GRIA4: variants seen among roughly 807,000 people sequenced by gnomAD.
GRIA4 encodes the protein glutamate receptor 4.
GRIA4 carries 34 observed loss-of-function variants against 104.0 expected under a neutral mutation model. The ratio of observed to expected loss-of-function variants is 0.33; its 90% confidence interval spans 0.25 to 0.44. The LOEUF (loss-of-function observed/expected upper bound fraction) is 0.44, where lower values mean the gene tolerates loss of function less well. GRIA4 is among the 20% of genes least tolerant of loss of function. GRIA4 has a pLI of 1.00. For synonymous variants in GRIA4, 386 were observed against 381.9 expected (o/e 1.01, Z -0.13); for missense variants, 750 against 1,096.5 (o/e 0.68, Z 4.46).
intron 14 of GRIA4, among the ~76,000 whole-genome samples, chr11:105,934,663 C>G (rs1205393997): frequency 2.0e-5 from 3 of 152,152 alleles, no homozygotes; most frequent in Non-Finnish European, 2.9e-5. Flanking sequence ...GGTTAATGAG[C>G]AAACCATTAC....
At chr11:105,951,712 C>T (rs1038462130) in intron 14 of GRIA4, among the ~76,000 whole-genome samples, 1 of 152,054 alleles carries the variant, frequency 6.6e-6, no homozygotes, top group Non-Finnish European at 1.5e-5. Flanking sequence ...TGGTGGCTCA[C>T]ACTTGTAATC....
rs896852715 is a variant in GRIA4 at position 105,896,748 on chromosome 11, T to C, written c.727-1521T>C. On this transcript the variant is annotated intron_variant, in intron 6 of 16. Coordinates refer to ENST00000282499, the MANE Select transcript of GRIA4 (RefSeq NM_000829.4). Reference sequence around the variant, plus strand: ...TATGTGACTTTATTTCTGGTTTCATTATTGTGTTCCATTGATCTGTGTGTC... The same window carrying C: ...TATGTGACTTTATTTCTGGTTTCATCATTGTGTTCCATTGATCTGTGTGTC... Among the ~76,000 whole-genome samples, 6 of 152,270 alleles carry C rather than the reference T, an allele frequency of 3.9e-5. No individual in the cohort carries two copies. In the East Asian group the frequency reaches 1.2e-3, roughly 29 times the overall value.
In GRIA4 at chr11:105,865,700, C is replaced by T. The variant is rs72991101; in HGVS notation, c.672+3492C>T. ...TAATTTTAAATTCTGAACTCTATTA[C>T]TTGCAAAGAGTCCCTATGGATTCTA... On this transcript the variant is annotated intron_variant, in intron 5 of 16. Coordinates refer to ENST00000282499, the MANE Select transcript of GRIA4 (RefSeq NM_000829.4). Among the ~76,000 whole-genome samples the T allele has an allele frequency of 3.4e-3, 518 of 152,240 alleles. 3 individuals carry two copies. Among genetic ancestry groups the T allele is most frequent in the Non-Finnish European group, 4.9e-3 (336 of 68,006 alleles).
At chr11:105,946,574 A>G (rs1328689861) in intron 14 of GRIA4, among the ~76,000 whole-genome samples, 1 of 152,200 alleles carries the variant, frequency 6.6e-6, no homozygotes, top group Non-Finnish European at 1.5e-5. Context: ...TGACACAGCC[A>G]GACCCTGTCT....
intron 4 of GRIA4, among the ~76,000 whole-genome samples, chr11:105,806,256 C>A (rs1385582564): frequency 6.6e-6 from 1 of 151,576 alleles, no homozygotes; most frequent in Non-Finnish European, 1.5e-5. Context: ...AATAGGAGAA[C>A]AAAATTGGGG....
intron 4 of GRIA4, among the ~76,000 whole-genome samples, chr11:105,847,130 A>G (rs893342008): frequency 6.6e-6 from 1 of 151,938 alleles, no homozygotes; most frequent in African/African-American, 2.4e-5. Context: ...TTCCTGGAAG[A>G]CAATTTTTCC....
At chr11:105,815,696 G>C (rs1463487617) in intron 4 of GRIA4, among the ~76,000 whole-genome samples, 2 of 152,032 alleles carry the variant, frequency 1.3e-5, no homozygotes, top group African/African-American at 4.8e-5. Flanking sequence ...ATGTGGATGA[G>C]TCCTAAGAGG....
rs538794405 is a variant in GRIA4, at chr11:105,712,317, G to C, written c.248-40664G>C. ...TAGTTTAAATGAAACTGTGTAAAGC[G>C]AAGTCTCTGTGTATAAAAAGAGAAA... On this transcript the variant is annotated intron_variant, in intron 3 of 16. Transcript: ENST00000282499. Among the ~76,000 whole-genome samples the C allele has an allele frequency of 3.3e-5, 5 of 151,276 alleles. 1 individual carries two copies. The highest frequency in any genetic ancestry group is 1.2e-4 in the African/African-American group (5 of 41,358).
At chr11:105,819,009 T>A (rs1270723152) in intron 4 of GRIA4, among the ~76,000 whole-genome samples, 1 of 152,170 alleles carries the variant, frequency 6.6e-6, no homozygotes. Flanking sequence ...GGAAAACAAT[T>A]TTTCTCTTCA....
At chr11:105,719,299 G>A (rs958141563) in intron 3 of GRIA4, among the ~76,000 whole-genome samples, 2 of 152,070 alleles carry the variant, frequency 1.3e-5, no homozygotes, top group African/African-American at 2.4e-5. Flanking sequence ...AGGAACTATC[G>A]GAGCGATTAG....
chr11:105,794,811 T>G (rs1318827594), intron 4 of GRIA4, among the ~76,000 whole-genome samples: 2 of 151,770 alleles, frequency 1.3e-5, no homozygotes, highest in Non-Finnish European at 2.9e-5. Context: ...TTTAGTTTTC[T>G]TAACCTGAAA....
chr11:105,800,188 G>T (rs1372118964), intron 4 of GRIA4, among the ~76,000 whole-genome samples: 1 of 152,056 alleles, frequency 6.6e-6, no homozygotes, highest in Non-Finnish European at 1.5e-5. Context: ...GTAAGTGATT[G>T]AAATGGAGAT....
chr11:105,668,479 A>C lies in GRIA4; in HGVS notation c.247+56045A>C, dbSNP rs115541192. ...AACATGGAAGTGCAGATATCTCTGC[A>C]AGGTACTAATTTCATTTCCTTCAGG... On this transcript the variant is annotated intron_variant, in intron 3 of 16. Coordinates refer to ENST00000282499, the MANE Select transcript of GRIA4 (RefSeq NM_000829.4). 4.8e-3 allele frequency among the ~76,000 whole-genome samples: 729 copies of C among 151,400 alleles called. 5 individuals are homozygous for C. The highest frequency in any genetic ancestry group is 0.016 in the African/African-American group (667 of 41,384).
At chr11:105,798,101 T>TAC (rs909085323) in intron 4 of GRIA4, among the ~76,000 whole-genome samples, 1 of 151,208 alleles carries the variant, frequency 6.6e-6, no homozygotes, top group African/African-American at 2.4e-5. Context: ...CACACACACA[T>TAC]ACACACACAC....
intron 4 of GRIA4, among the ~76,000 whole-genome samples, chr11:105,858,381 T>C (rs1167596738): frequency 6.6e-6 from 1 of 152,148 alleles, no homozygotes; most frequent in Non-Finnish European, 1.5e-5. Context: ...TTCTTATAGG[T>C]ACATAGTAGC....
rs1253770679 is a variant in GRIA4, at chr11:105,780,293, C to A, written c.487+27073C>A. ...AGGCAACAGACCTGAATAATAGAAA[C>A]ATGAAATATGCCAAGGACCCTGAGT... On this transcript the variant is annotated intron_variant, in intron 4 of 16. Coordinates refer to ENST00000282499, the MANE Select transcript of GRIA4 (RefSeq NM_000829.4). 2.0e-5 allele frequency among the ~76,000 whole-genome samples: 3 copies of A among 152,240 alleles called. No individual in the cohort carries two copies. The South Asian group carries it at 6.2e-4, about 32-fold the overall frequency.
At chr11:105,726,402 A>G (rs2135591841) in intron 3 of GRIA4, among the ~76,000 whole-genome samples, 1 of 152,264 alleles carries the variant, frequency 6.6e-6, no homozygotes, top group East Asian at 1.9e-4. Flanking sequence ...TCAGGAGCTT[A>G]TAGATAAAAC....
At chr11:105,930,562 T>C (rs1309782685) in intron 13 of GRIA4, among the ~76,000 whole-genome samples, 3 of 150,792 alleles carry the variant, frequency 2.0e-5, no homozygotes, top group Non-Finnish European at 3.0e-5. Flanking sequence ...TATATAGAAA[T>C]GGACTATTAA....
At chr11:105,937,149 T>C (rs1948067822) in intron 14 of GRIA4, among the ~76,000 whole-genome samples, 1 of 152,154 alleles carries the variant, frequency 6.6e-6, no homozygotes, top group African/African-American at 2.4e-5. Flanking sequence ...TTTCTCTGGT[T>C]GAGAAATGTC....
Sources: gnomAD v4.1 joint callset for allele counts (sites outside exome capture counted in the v4.1 genomes callset) on GRCh38, gnomAD v4.1.1 for gene constraint, MANE v1.5 for transcripts, NCBI Gene and HGNC (gene_info 2026-07-23, HGNC 2026-07-21) for gene names.